Variants in C1orf21 observed in about 807,000 individuals in gnomAD.
C1orf21 encodes uncharacterized protein C1orf21.
A neutral mutation model predicts 18.7 loss-of-function variants in C1orf21; 3 were observed. The observed-to-expected ratio is 0.16, with a 90% CI of 0.07 to 0.42. The LOEUF (loss-of-function observed/expected upper bound fraction) is 0.42. C1orf21 is among the 10% of genes least tolerant of loss of function. The probability of loss-of-function intolerance (pLI) is 0.99; values close to 1 mark genes in which losing one functional copy is unlikely to be tolerated. For missense variants in C1orf21, 104 were observed against 143.6 expected (o/e 0.72, Z 1.41); for synonymous variants, 41 against 46.4 (o/e 0.88, Z 0.47).
chr1:184,617,406 A>T (rs1659844650), intron 5 of C1orf21, among the ~76,000 whole-genome samples: 1 of 152,202 alleles, frequency 6.6e-6, no homozygotes, highest in Non-Finnish European at 1.5e-5. Context: ...TGTGGAGAGC[A>T]TCATCTGATA....
At chr1:184,612,348 G>A (rs751644258) in intron 5 of C1orf21, among the ~76,000 whole-genome samples, 26 of 152,328 alleles carry the variant, frequency 1.7e-4, no homozygotes, top group Middle Eastern at 3.4e-3. Context: ...AGTCTTGACC[G>A]GACTTGTTTG....
chr1:184,410,638 TATATATATATATATATATATATA>T (rs1206626858), intron 1 of C1orf21, among the ~76,000 whole-genome samples: 52 of 4,158 alleles, frequency 0.013, 9 homozygotes, highest in African/African-American at 0.028. Flanking sequence ...TATATATATA[TATATATATATATATATATATATA>T]TATTTTTTTT....
chr1:184,452,982 T>A (rs915509728), intron 1 of C1orf21, among the ~76,000 whole-genome samples: 1 of 152,190 alleles, frequency 6.6e-6, no homozygotes, highest in African/African-American at 2.4e-5. Flanking sequence ...AAGCCTTTCA[T>A]TGAAAGGATT....
chr1:184,591,929 T>C (rs1558010048), intron 4 of C1orf21, among the ~76,000 whole-genome samples: 1 of 152,084 alleles, frequency 6.6e-6, no homozygotes, highest in Admixed American at 6.6e-5. Context: ...AGGAATCTCA[T>C]AAGGATGAGG....
chr1:184,496,171 G>C (rs1557986708), intron 2 of C1orf21, among the ~76,000 whole-genome samples: 3 of 152,106 alleles, frequency 2.0e-5, no homozygotes, highest in Admixed American at 1.3e-4. Context: ...TCTACCCATA[G>C]AGCATCCTGA....
At chr1:184,511,729 G>A (rs1057432421) in intron 3 of C1orf21, among the ~76,000 whole-genome samples, 9 of 152,226 alleles carry the variant, frequency 5.9e-5, no homozygotes, top group African/African-American at 1.2e-4. Flanking sequence ...TCACAGTTCC[G>A]CATGGCTGGG....
chr1:184,621,119 G>C lies in C1orf21; in HGVS notation c.*1563G>C, dbSNP rs1487443164. 6.6e-6 allele frequency: 1 copy of C among 152,374 alleles called. No individual in the cohort carries two copies. Among genetic ancestry groups the C allele is most frequent in the East Asian group, 1.9e-4 (1 of 5,190 alleles). The allele number at this position is 152,374 out of a possible 1,614,324, so 9.4% of individuals were successfully genotyped here. ...TATGTCAATTTGCTCTTGCCGAAAA[G>C]ATGAGCCTCGATTTTAAAATCTATC... On this transcript the variant is annotated 3_prime_UTR_variant, in exon 6 of 6. Transcript: ENST00000235307.
intron 1 of C1orf21, among the ~76,000 whole-genome samples, chr1:184,472,660 T>G (rs1657511605): frequency 6.6e-6 from 1 of 152,214 alleles, no homozygotes; most frequent in Non-Finnish European, 1.5e-5. Context: ...AAGTAGGATT[T>G]TTTTTAATGA....
chr1:184,424,283 G>A (rs1656595683), intron 1 of C1orf21, among the ~76,000 whole-genome samples: 6 of 152,168 alleles, frequency 3.9e-5, no homozygotes, highest in Admixed American at 3.9e-4. Flanking sequence ...TTGGAGCTGA[G>A]TGAGACTTTA....
intron 3 of C1orf21, chr1:184,567,784 C>A: frequency 4.0e-6 from 1 of 249,314 alleles, no homozygotes; most frequent in Non-Finnish European, 8.2e-6. Context: ...GAAGTTCAAG[C>A]CATTTGAAAC....
chr1:184,561,054 T>C (rs1015023395), intron 3 of C1orf21, among the ~76,000 whole-genome samples: 1 of 152,344 alleles, frequency 6.6e-6, no homozygotes, highest in African/African-American at 2.4e-5. Flanking sequence ...CTTTGCTAAG[T>C]AGAGGTATAT....
intron 1 of C1orf21, among the ~76,000 whole-genome samples, chr1:184,429,940 C>T (rs1442691373): frequency 6.6e-6 from 1 of 151,858 alleles, no homozygotes. Context: ...AACCCTGTCT[C>T]TACTAAAAAT....
intron 1 of C1orf21, among the ~76,000 whole-genome samples, chr1:184,462,610 A>G (rs1185695231): frequency 2.0e-5 from 3 of 152,276 alleles, no homozygotes; most frequent in African/African-American, 7.2e-5. Flanking sequence ...TCAAATTGGT[A>G]TTTATGATCG....
chr1:184,550,871 T>G (rs1658802894), intron 3 of C1orf21, among the ~76,000 whole-genome samples: 1 of 152,130 alleles, frequency 6.6e-6, no homozygotes, highest in African/African-American at 2.4e-5. Context: ...TTTCCTGGAC[T>G]TGGTTAAGCC....
chr1:184,414,945 GT>G (rs1656425453), intron 1 of C1orf21, among the ~76,000 whole-genome samples: 1 of 152,146 alleles, frequency 6.6e-6, no homozygotes, highest in African/African-American at 2.4e-5. Flanking sequence ...GTTTTTCAAC[GT>G]TTGAGATTGT....
At chr1:184,575,512 C>T (rs996753860) in intron 3 of C1orf21, among the ~76,000 whole-genome samples, 7 of 147,100 alleles carry the variant, frequency 4.8e-5, no homozygotes, top group African/African-American at 1.8e-4. Context: ...TTAACCAGGA[C>T]TAATCATAGA....
rs1458955853 is a variant in C1orf21 at position 184,387,086 on chromosome 1, C to G, written c.-407C>G. 6.6e-6 allele frequency: 1 copy of G among 151,656 alleles called. No homozygotes were observed. The highest frequency in any genetic ancestry group is 1.5e-5 in the Non-Finnish European group (1 of 67,868). The allele number at this position is 151,656 out of a possible 1,614,324, so 9.4% of individuals were successfully genotyped here. On this transcript the variant is annotated 5_prime_UTR_variant, in exon 1 of 6. Coordinates refer to ENST00000235307, the MANE Select transcript of C1orf21 (RefSeq NM_030806.4). The surrounding 1 kb of genome is among the most constrained non-coding windows in gnomAD (Gnocchi z 5.6). ...ACTCCCGGGGGGACGTTCCGTGCCG[C>G]GGCCGCCGCGGCCGCTGCTTCTTTC...
intron 1 of C1orf21, among the ~76,000 whole-genome samples, chr1:184,475,764 T>C (rs1360707149): frequency 6.6e-6 from 1 of 151,660 alleles, no homozygotes; most frequent in Non-Finnish European, 1.5e-5. Context: ...TGTGTGTGTG[T>C]GTGTGTGTGT....
chr1:184,483,525 T>C (rs189436663), intron 2 of C1orf21, among the ~76,000 whole-genome samples: 136 of 152,306 alleles, frequency 8.9e-4, no homozygotes, highest in Admixed American at 2.9e-3. Context: ...GTTTCAATAA[T>C]GTAGGCTTTA....
Sources: allele counts gnomAD v4.1 joint callset (sites outside exome capture counted in the v4.1 genomes callset), GRCh38; gene constraint gnomAD v4.1.1; non-coding constraint Gnocchi (gnomAD v3.1); transcripts MANE v1.5; gene names NCBI Gene and HGNC (gene_info 2026-07-23, HGNC 2026-07-21).